Variants in LAMP3 observed in about 807,000 individuals in gnomAD.
LAMP3 encodes the protein lysosome-associated membrane glycoprotein 3.
A neutral mutation model predicts 34.8 loss-of-function variants in LAMP3; 26 were observed. The observed-to-expected ratio is 0.75, with a 90% CI of 0.55 to 1.04. The LOEUF (loss-of-function observed/expected upper bound fraction) is 1.04, where lower values mean the gene tolerates loss of function less well. Ranked by LOEUF, LAMP3 falls within the 50% of genes least tolerant of loss-of-function variation. The pLI, the probability that LAMP3 is intolerant of heterozygous loss-of-function variation, is 0.00. For synonymous variants in LAMP3, 180 were observed against 201.9 expected (o/e 0.89, Z 0.92); for missense variants, 495 against 524.0 (o/e 0.94, Z 0.54).
chr3:183,134,632 G>A (rs1005473347), intron 5 of LAMP3, among the ~76,000 whole-genome samples: 1 of 151,780 alleles, frequency 6.6e-6, no homozygotes, highest in African/African-American at 2.4e-5. Context: ...TATGACTGTG[G>A]GACTCCGACA....
intron 3 of LAMP3, 53 bp from the exon 4 acceptor site, chr3:183,140,648 A>T: frequency 1.7e-6 from 2 of 1,170,022 alleles, no homozygotes; most frequent in South Asian, 2.5e-5. Context: ...ATATGTTTAC[A>T]ATCTTGGTTT....
At chr3:183,136,872 G>A (rs1483086060) in intron 4 of LAMP3, among the ~76,000 whole-genome samples, 1 of 152,110 alleles carries the variant, frequency 6.6e-6, no homozygotes, top group African/African-American at 2.4e-5. Context: ...GCCAGGCATG[G>A]TGGCACACAC....
At chr3:183,162,188 T>A (rs1328230697) in intron 1 of LAMP3, among the ~76,000 whole-genome samples, 7 of 144,116 alleles carry the variant, frequency 4.9e-5, no homozygotes, top group East Asian at 2.0e-4. Context: ...AATGATCATT[T>A]AAAAAAAAAA....
At chr3:183,144,589 T>C (rs1720384836) in intron 3 of LAMP3, among the ~76,000 whole-genome samples, 1 of 152,154 alleles carries the variant, frequency 6.6e-6, no homozygotes, top group Non-Finnish European at 1.5e-5. Flanking sequence ...TACAGATCAC[T>C]TGGGGAGTTC....
chr3:183,158,826 G>T (rs1361554550), intron 1 of LAMP3, among the ~76,000 whole-genome samples: 1 of 152,050 alleles, frequency 6.6e-6, no homozygotes, highest in Non-Finnish European at 1.5e-5. Flanking sequence ...TTGTTCTCAG[G>T]GGCCCTGTGA....
chr3:183,162,519 C>A, intron 1 of LAMP3, 88 bp downstream of exon 1: 1 of 1,339,218 alleles, frequency 7.5e-7, no homozygotes, highest in Non-Finnish European at 1.0e-6. Flanking sequence ...CGCAGCCCGT[C>A]CTGTGGCGCC....
Position 183,122,367 on chromosome 3 carries a change from G to T in LAMP3, c.*1714C>A, listed in dbSNP as rs1719691576. 6.6e-6 allele frequency: 1 copy of T among 152,172 alleles called. No homozygotes were observed. The highest frequency in any genetic ancestry group is 2.4e-5 in the African/African-American group (1 of 41,442). 9.4% of individuals were successfully genotyped at this position (152,172 alleles called of 1,614,324 possible). On this transcript the variant is annotated 3_prime_UTR_variant, in exon 6 of 6. Coordinates refer to ENST00000265598, the MANE Select transcript of LAMP3 (RefSeq NM_014398.4). ...CTGACTTGAATTATTCCTTGACTAA[G>T]AATTCTAGGGTTATGTGGACTTTTC...
intron 1 of LAMP3, among the ~76,000 whole-genome samples, chr3:183,158,935 G>A (rs1487134667): frequency 1.3e-5 from 2 of 149,724 alleles, no homozygotes; most frequent in Non-Finnish European, 3.0e-5. Context: ...GTCTCACTCT[G>A]TCACCCAGGA....
At chr3:183,146,112 G>C (rs1437355025) in intron 3 of LAMP3, among the ~76,000 whole-genome samples, 1 of 152,170 alleles carries the variant, frequency 6.6e-6, no homozygotes, top group African/African-American at 2.4e-5. Context: ...CTCTAGAGCT[G>C]TGGTTTTCAA....
At chr3:183,138,723 C>T (rs1360547269) in intron 4 of LAMP3, among the ~76,000 whole-genome samples, 1 of 152,160 alleles carries the variant, frequency 6.6e-6, no homozygotes, top group South Asian at 2.1e-4. Context: ...CCCTAGACCC[C>T]TCGGTGGCAT....
At position 183,153,898 on chromosome 3, in the gene LAMP3, G is replaced by A. The variant is rs759259053; in HGVS notation, c.543C>T (p.Thr181=). 1.2e-5 allele frequency: 20 copies of A among 1,614,064 alleles called. No individual in the cohort carries two copies. Among genetic ancestry groups the A allele is most frequent in the Admixed American group, 6.7e-5 (4 of 59,992 alleles). ...TLSIALHKST[T]GQKPVQPTHA... ...GGGTGGGTTGAACAGGCTTCTGACC[G>A]GTTGTGCTTTTGTGCAGTGCTATCG... The change falls in exon 2 of 6, where the codon ACC becomes ACT. Residue 181 remains threonine (T), a synonymous_variant. Coordinates refer to ENST00000265598, the MANE Select transcript of LAMP3 (RefSeq NM_014398.4).
In LAMP3 at chr3:183,149,311, G is replaced by A. The variant is rs140288658; in HGVS notation, c.888+3064C>T. 7.7e-3 allele frequency among the ~76,000 whole-genome samples: 1,171 copies of A among 151,870 alleles called. 27 individuals are homozygous for A. The highest frequency in any genetic ancestry group is 0.027 in the African/African-American group (1,115 of 41,418). ...AATCCCAGCACTTTGGGAGGCTCAGGGGGGCGGATCACGAGGTCAAGAGAT... is the reference window on the plus strand; with the variant it reads ...AATCCCAGCACTTTGGGAGGCTCAGAGGGGCGGATCACGAGGTCAAGAGAT... On this transcript the variant is annotated intron_variant, in intron 3 of 5. Coordinates refer to ENST00000265598, the MANE Select transcript of LAMP3 (RefSeq NM_014398.4).
chr3:183,149,559 AAAAAAAAAAAAAAAAATATATAT>A (rs1261439926), intron 3 of LAMP3, among the ~76,000 whole-genome samples: 31 of 27,190 alleles, frequency 1.1e-3, no homozygotes, highest in African/African-American at 3.0e-3. Context: ...AAAAAAAAAA[AAAAAAAAAAAAAAAAATATATAT>A]ATATATATAT....
Position 183,153,836 on chromosome 3 carries a change from G to A in LAMP3, c.605C>T (p.Thr202Ile). Reference protein sequence around the residue: ...PGTTAAAHNTTRTAAPASTVP... With the variant: ...PGTTAAAHNTIRTAAPASTVP... ...CGTGGAGGCAGGTGCAGCTGTGCGG[G>A]TGGTATTGTGGGCAGCTGCCGTTGT... is the stretch of plus-strand genomic sequence containing the variant. Residue 202 changes from threonine to isoleucine, a missense_variant, in exon 2 of 6, where the codon ACC (threonine) becomes ATC (isoleucine). Physicochemically the swap from Thr to Ile is moderately conservative, Grantham distance 89. Coordinates refer to ENST00000265598, the MANE Select transcript of LAMP3 (RefSeq NM_014398.4). 6 of 1,608,424 alleles carry A rather than the reference G, an allele frequency of 3.7e-6. No homozygotes were observed. Among genetic ancestry groups the A allele is most frequent in the Non-Finnish European group, 5.1e-6 (6 of 1,176,760 alleles).
chr3:183,124,772 C>T (rs539582378), intron 5 of LAMP3, among the ~76,000 whole-genome samples: 2 of 152,054 alleles, frequency 1.3e-5, no homozygotes, highest in East Asian at 1.9e-4. Context: ...GCAGAGGTTG[C>T]GGTGAGCCGA....
chr3:183,123,086 T>C lies in LAMP3; in HGVS notation c.*995A>G, dbSNP rs1459129818. 6.6e-6 allele frequency: 1 copy of C among 152,252 alleles called. No homozygotes were observed. Among genetic ancestry groups the C allele is most frequent in the Non-Finnish European group, 1.5e-5 (1 of 68,042 alleles). The allele number at this position is 152,252 out of a possible 1,614,324, so 9.4% of individuals were successfully genotyped here. On this transcript the variant is annotated 3_prime_UTR_variant, in exon 6 of 6. Transcript: ENST00000265598. Reference sequence around the variant, plus strand: ...GCACTTTGTTAATAATTAAGGGCCATTATTATTGTCTCTTGCTTATTGTTT... The same window carrying C: ...GCACTTTGTTAATAATTAAGGGCCACTATTATTGTCTCTTGCTTATTGTTT...
chr3:183,143,701 C>T (rs920813686), intron 3 of LAMP3, among the ~76,000 whole-genome samples: 2 of 151,504 alleles, frequency 1.3e-5, no homozygotes, highest in Non-Finnish European at 2.9e-5. Flanking sequence ...GTGTCTCTTT[C>T]CAAGAAAAAA....
chr3:183,145,341 A>G (rs1418829918), intron 3 of LAMP3, among the ~76,000 whole-genome samples: 1 of 152,134 alleles, frequency 6.6e-6, no homozygotes, highest in Admixed American at 6.5e-5. Context: ...CACGCTGAAC[A>G]CTTTTACATT....
At chr3:183,149,968 C>G (rs1040719037) in intron 3 of LAMP3, among the ~76,000 whole-genome samples, 4 of 152,308 alleles carry the variant, frequency 2.6e-5, no homozygotes, top group South Asian at 2.1e-4. Flanking sequence ...CTGTGAGCCT[C>G]TCTGCCTACC....
Sources: gnomAD v4.1 joint callset for allele counts (sites outside exome capture counted in the v4.1 genomes callset) on GRCh38, gnomAD v4.1.1 for gene constraint, MANE v1.5 for transcripts, NCBI Gene and HGNC (gene_info 2026-07-23, HGNC 2026-07-21) for gene names.